PLEKHG3: variants seen among roughly 807,000 people sequenced by gnomAD.
The protein encoded by PLEKHG3 is pleckstrin homology domain-containing family G member 3.
PLEKHG3 carries 62 observed loss-of-function variants against 94.9 expected under a neutral mutation model. That is an observed-to-expected ratio of 0.65 (90% CI 0.53 to 0.81). PLEKHG3 has a LOEUF of 0.81. PLEKHG3 is among the 30% of genes least tolerant of loss of function. PLEKHG3 has a pLI of 0.00. For synonymous variants in PLEKHG3, 614 were observed against 654.0 expected, an observed-to-expected ratio of 0.94 and a Z score of 0.93; for missense variants, 1,461 against 1,619.3, an observed-to-expected ratio of 0.90 and a Z score of 1.68.
chr14:64,730,393 CT>C lies in PLEKHG3; in HGVS notation c.519+82del. The C allele has an allele frequency of 2.1e-6, 2 of 956,954 alleles. No homozygotes were observed. 59.3% of individuals were successfully genotyped at this position (956,954 alleles called of 1,614,324 possible). A position where few individuals can be genotyped will look rare whatever the true frequency, so the allele number is the denominator to read the frequency against. On this transcript the variant is annotated intron_variant, in intron 4 of 16. Transcript: ENST00000247226. This position sits in a 1 kb window ranked among gnomAD's most constrained non-coding sequence, Gnocchi z 5.4. ...AAGAACTGCCAGCATAAGAGGACAT[CT>C]GAGTCCTGGGGATTCCTTTCCAGGG...
Position 64,731,445 on chromosome 14 carries a change from C to T in PLEKHG3, c.934C>T (p.His312Tyr), listed in dbSNP as rs541459745. The change falls in exon 8 of 17, where the codon CAT becomes TAT. Residue 312 changes from histidine to tyrosine, a missense_variant. Around this residue, in one of 3 missense-constraint regions of PLEKHG3, gnomAD observed 1,201 missense variants for 1,295.5 expected, o/e 0.93. Coordinates refer to ENST00000247226, the MANE Select transcript of PLEKHG3 (RefSeq NM_001308147.2). The surrounding 1 kb of genome is among the most constrained non-coding windows in gnomAD (Gnocchi z 6.1). ...TGTCCTGGAGGGCACATTCCGCGTG[C>T]ATCGCGTGCGCAATGAAAGGACCTT... Reference protein sequence around the residue: ...ELVLEGTFRVHRVRNERTFFL... With the variant: ...ELVLEGTFRVYRVRNERTFFL... 1.8e-4 allele frequency: 284 copies of T among 1,613,886 alleles called. 7 individuals are homozygous for T. In the South Asian group the frequency reaches 2.7e-3, roughly 15 times the overall value.
In PLEKHG3 at chr14:64,743,099, C is replaced by A. The variant is rs141047869; in HGVS notation, c.3056C>A (p.Pro1019Gln). 4.3e-6 allele frequency: 7 copies of A among 1,613,004 alleles called. No individual in the cohort carries two copies. The highest frequency in any genetic ancestry group is 5.9e-6 in the Non-Finnish European group (7 of 1,180,008). Residue 1019 changes from proline (P) to glutamine (Q), a missense_variant, in exon 17 of 17, where the codon CCG (proline) becomes CAG (glutamine). Transcript: ENST00000247226. This position sits in a 1 kb window ranked among gnomAD's most constrained non-coding sequence, Gnocchi z 7.2. ...TCACCACAGCGTTTCTTCTTCAACC[C>A]GTCTGCTGTCAGCCAGAGGACCACC... ...EMSPQRFFFNPSAVSQRTTSP... is the reference protein window; with the variant it reads ...EMSPQRFFFNQSAVSQRTTSP...
At chr14:64,735,008 G>A (rs2081544445) in intron 12 of PLEKHG3, among the ~76,000 whole-genome samples, 1 of 152,184 alleles carries the variant, frequency 6.6e-6, no homozygotes, top group Non-Finnish European at 1.5e-5. Flanking sequence ...TTACAGGCAT[G>A]AGCCATCCCG....
At position 64,745,167 on chromosome 14, in the gene PLEKHG3, T is replaced by C. The variant is rs2081811784; in HGVS notation, c.*1464T>C. The C allele has an allele frequency of 6.6e-6, 1 of 152,288 alleles. No individual in the cohort carries two copies. Among genetic ancestry groups the C allele is most frequent in the Admixed American group, 6.5e-5 (1 of 15,290 alleles). The allele number at this position is 152,288 out of a possible 1,614,324, so 9.4% of individuals were successfully genotyped here. On this transcript the variant is annotated 3_prime_UTR_variant, in exon 17 of 17. Transcript: ENST00000247226. This position sits in a 1 kb window ranked among gnomAD's most constrained non-coding sequence, Gnocchi z 5.0. ...GTACAAGTGCATTTTTCTGGGATGATTCCTCCCTTTTTATCACATTCTCAG... is the reference window on the plus strand; with the variant it reads ...GTACAAGTGCATTTTTCTGGGATGACTCCTCCCTTTTTATCACATTCTCAG...
chr14:64,743,292 G>T lies in PLEKHG3; in HGVS notation c.3249G>T (p.Pro1083=). 6.2e-7 allele frequency: 1 copy of T among 1,608,140 alleles called. No individual in the cohort carries two copies. Among genetic ancestry groups the T allele is most frequent in the Non-Finnish European group, 8.5e-7 (1 of 1,179,084 alleles). Residue 1083 remains proline, a synonymous_variant, in exon 17 of 17, where the codon CCG becomes CCT. Transcript: ENST00000247226. This position sits in a 1 kb window ranked among gnomAD's most constrained non-coding sequence, Gnocchi z 7.2. ...CCGTCAACAGGAGCCACTCGGTGCC[G>T]GAGAACATGGTAGAGCCACCTCTGT... The part of the protein sequence containing the change: ...GPPVNRSHSV[P]ENMVEPPLSG...
rs981391059 is a variant in PLEKHG3 at position 64,716,059 on chromosome 14, T to G, written c.-40+11355T>G. 2.2e-6 allele frequency: 1 copy of G among 456,132 alleles called. No homozygotes were observed. Among genetic ancestry groups the G allele is most frequent in the African/African-American group, 2.0e-5 (1 of 50,048 alleles). 28.3% of individuals were successfully genotyped at this position (456,132 alleles called of 1,614,324 possible). On this transcript the variant is annotated intron_variant, in intron 1 of 16. Coordinates refer to ENST00000247226, the MANE Select transcript of PLEKHG3 (RefSeq NM_001308147.2). The surrounding 1 kb of genome is among the most constrained non-coding windows in gnomAD (Gnocchi z 5.0). ...GCTGCCCGGCCCCTCGCCACCCTCG[T>G]GGTGCCCGGATGGGAGCTCTCCTGA...
rs756914658 is a variant in PLEKHG3 at position 64,741,605 on chromosome 14, G to C, written c.2088G>C (p.Glu696Asp). ...MEPPSPGCPV[E>D]PDRSSCKKKE... ...CCCCAAGCCCAGGCTGCCCAGTGGA[G>C]CCTGACCGGTCTTCCTGCAAGAAGA... Residue 696 changes from glutamate (E) to aspartate (D), a missense_variant, in exon 16 of 17, where the codon GAG becomes GAC. By Grantham distance (45) the Glu-to-Asp change is conservative. This residue lies in a region of PLEKHG3 where 1,201 missense variants were observed against 1,295.5 expected (regional missense o/e 0.93). Coordinates refer to ENST00000247226, the MANE Select transcript of PLEKHG3 (RefSeq NM_001308147.2). The C allele has an allele frequency of 6.8e-6, 11 of 1,613,008 alleles. No individual in the cohort carries two copies. The South Asian group carries it at 1.2e-4, about 18-fold the overall frequency.
At position 64,715,924 on chromosome 14, in the gene PLEKHG3, G is replaced by C. The variant is rs1177622587; in HGVS notation, c.-40+11220G>C. The C allele has an allele frequency of 7.2e-6, 3 of 418,956 alleles. No homozygotes were observed. The allele number at this position is 418,956 out of a possible 1,614,324, so 26.0% of individuals were successfully genotyped here. On this transcript the variant is annotated intron_variant, in intron 1 of 16. Transcript: ENST00000247226. This position sits in a 1 kb window ranked among gnomAD's most constrained non-coding sequence, Gnocchi z 4.4. ...GGTTCTGAATAGAACATTTATTGAC[G>C]AAGTTTTGCAGGAGGCGGCGGGCGC...
chr14:64,743,371 G>A lies in PLEKHG3; in HGVS notation c.3328G>A (p.Gly1110Arg), dbSNP rs775128910. 1.2e-4 allele frequency: 195 copies of A among 1,607,900 alleles called. No homozygotes were observed. Among genetic ancestry groups the A allele is most frequent in the Middle Eastern group, 4.9e-4 (3 of 6,066 alleles). Reference sequence around the variant, plus strand: ...GAGCACCAAGAGGGGCCGGGGAGGCGGAGAGGCTGCCCAATCCCCTGGGCC... The same window carrying A: ...GAGCACCAAGAGGGGCCGGGGAGGCAGAGAGGCTGCCCAATCCCCTGGGCC... ...SLSTKRGRGG[G>R]EAAQSPGPLP... Residue 1110 changes from glycine to arginine, a missense_variant, in exon 17 of 17, where the codon GGA becomes AGA. Around this residue, in one of 3 missense-constraint regions of PLEKHG3, gnomAD observed 1,201 missense variants for 1,295.5 expected, o/e 0.93. Coordinates refer to ENST00000247226, the MANE Select transcript of PLEKHG3 (RefSeq NM_001308147.2). This position sits in a 1 kb window ranked among gnomAD's most constrained non-coding sequence, Gnocchi z 7.2.
chr14:64,740,936 C>A, intron 15 of PLEKHG3, 100 bp from the exon 16 acceptor site: 2 of 946,120 alleles, frequency 2.1e-6, no homozygotes, highest in South Asian at 1.7e-5. Context: ...AACTACAGGT[C>A]CCTGTCATTG....
At chr14:64,737,621 A>G (rs1485297704) in intron 14 of PLEKHG3, among the ~76,000 whole-genome samples, 1 of 152,124 alleles carries the variant, frequency 6.6e-6, no homozygotes, top group Non-Finnish European at 1.5e-5. Flanking sequence ...GTGTGGACCT[A>G]CTCAGATTTC....
rs17767188 is a variant in PLEKHG3 at position 64,721,522 on chromosome 14, G to T, written c.-39-6071G>T. Among the ~76,000 whole-genome samples, 2 of 152,078 alleles carry T rather than the reference G, an allele frequency of 1.3e-5. No individual in the cohort carries two copies. Among genetic ancestry groups the T allele is most frequent in the African/African-American group, 2.4e-5 (1 of 41,390 alleles). On this transcript the variant is annotated intron_variant, in intron 1 of 16. Transcript: ENST00000247226. This position sits in a 1 kb window ranked among gnomAD's most constrained non-coding sequence, Gnocchi z 4.3. ...ATGGGCCCTGCTGCTCTTAGGTGGT[G>T]GGAAAATGCATTCCTGAGGGAAAAT...
chr14:64,707,934 C>T (rs964521690), intron 1 of PLEKHG3, among the ~76,000 whole-genome samples: 3 of 152,176 alleles, frequency 2.0e-5, no homozygotes, highest in African/African-American at 7.2e-5. Context: ...AGTGAGATAA[C>T]GTATGTTGAA....
intron 14 of PLEKHG3, chr14:64,737,870 C>T: frequency 8.4e-7 from 1 of 1,193,220 alleles, no homozygotes. Context: ...AGCATGCAGG[C>T]AGTGCTGGAA....
Position 64,731,738 on chromosome 14 carries a change from A to T in PLEKHG3, c.1057A>T (p.Ser353Cys). Reference protein sequence around the residue: ...IPCSSLMLIESTRDSLCFTVT... With the variant: ...IPCSSLMLIECTRDSLCFTVT... ...GTGCTCCTCCCTGATGCTGATCGAAAGCACCAGAGACTCCCTGTGCTTCAC... is the reference window on the plus strand; with the variant it reads ...GTGCTCCTCCCTGATGCTGATCGAATGCACCAGAGACTCCCTGTGCTTCAC... Residue 353 changes from serine (S) to cysteine (C), a missense_variant, in exon 9 of 17, where the codon AGC becomes TGC. Physicochemically the swap from Ser to Cys is moderately radical, Grantham distance 112 (BLOSUM62 -1). Around this residue, in one of 3 missense-constraint regions of PLEKHG3, gnomAD observed 1,201 missense variants for 1,295.5 expected, o/e 0.93. Coordinates refer to ENST00000247226, the MANE Select transcript of PLEKHG3 (RefSeq NM_001308147.2). The surrounding 1 kb of genome is among the most constrained non-coding windows in gnomAD (Gnocchi z 6.1). 6.2e-7 allele frequency: 1 copy of T among 1,613,712 alleles called. No homozygotes were observed. Among genetic ancestry groups the T allele is most frequent in the Non-Finnish European group, 8.5e-7 (1 of 1,179,776 alleles).
rs970818834 is a variant in PLEKHG3, at chr14:64,739,504, T to C, written c.1518+649T>C. 7.2e-5 allele frequency among the ~76,000 whole-genome samples: 11 copies of C among 152,180 alleles called. No individual in the cohort carries two copies. Among genetic ancestry groups the C allele is most frequent in the Non-Finnish European group, 1.5e-4 (10 of 68,032 alleles). Reference sequence around the variant, plus strand: ...AAGTTATAAGGGAAAGATCGTGAGCTACAGCCTGGACCCCATGTTGGACCC... The same window carrying C: ...AAGTTATAAGGGAAAGATCGTGAGCCACAGCCTGGACCCCATGTTGGACCC... On this transcript the variant is annotated intron_variant, in intron 15 of 16. Coordinates refer to ENST00000247226, the MANE Select transcript of PLEKHG3 (RefSeq NM_001308147.2). The surrounding 1 kb of genome is among the most constrained non-coding windows in gnomAD (Gnocchi z 4.1).
intron 12 of PLEKHG3, among the ~76,000 whole-genome samples, chr14:64,734,290 C>G (rs758781937): frequency 7.2e-5 from 11 of 152,090 alleles, no homozygotes; most frequent in Non-Finnish European, 1.5e-4. Context: ...CTTCTCTTCT[C>G]TTTTCTTTTC....
rs2081360472 is a variant in PLEKHG3 at position 64,726,725 on chromosome 14, G to A, written c.-39-868G>A. On this transcript the variant is annotated intron_variant, in intron 1 of 16. Coordinates refer to ENST00000247226, the MANE Select transcript of PLEKHG3 (RefSeq NM_001308147.2). The surrounding 1 kb of genome is among the most constrained non-coding windows in gnomAD (Gnocchi z 5.1). ...GAGACTCACTGATGGCTTAGCCCTG[G>A]GGAATTTCCTGGGGCCTGGGATGAG... is the stretch of plus-strand genomic sequence containing the variant. Among the ~76,000 whole-genome samples, 1 of 152,176 alleles carries A rather than the reference G, an allele frequency of 6.6e-6. No individual in the cohort carries two copies. Among genetic ancestry groups the A allele is most frequent in the African/African-American group, 2.4e-5 (1 of 41,440 alleles).
chr14:64,746,224 C>T lies in PLEKHG3; in HGVS notation c.*2521C>T, dbSNP rs1255795918. 6.6e-6 allele frequency: 1 copy of T among 152,150 alleles called. No individual in the cohort carries two copies. The highest frequency in any genetic ancestry group is 1.5e-5 in the Non-Finnish European group (1 of 68,016). The allele number at this position is 152,150 out of a possible 1,614,324, so 9.4% of individuals were successfully genotyped here. A position where few individuals can be genotyped will look rare whatever the true frequency, so the allele number is the denominator to read the frequency against. ...GTCCCTCTGTCTCCATGGTGCCAGC[C>T]CTCTTAGGCTCAGTTCAAAGGGAGA... On this transcript the variant is annotated 3_prime_UTR_variant, in exon 17 of 17. Transcript: ENST00000247226. The surrounding 1 kb of genome is among the most constrained non-coding windows in gnomAD (Gnocchi z 4.9).
Sources: gnomAD v4.1 joint callset for allele counts (sites outside exome capture counted in the v4.1 genomes callset) on GRCh38, gnomAD v4.1.1 for gene constraint, gnomAD v4.1.1 regional missense constraint, Gnocchi (gnomAD v3.1) non-coding constraint, MANE v1.5 for transcripts, NCBI Gene and HGNC (gene_info 2026-07-23, HGNC 2026-07-21) for gene names.